Variants in ST7 observed in about 807,000 individuals in gnomAD.
ST7 encodes the protein suppression of tumorigenicity 7.
In ST7, 28 loss-of-function variants were observed where a neutral mutation model predicts 78.7. That is an observed-to-expected ratio of 0.36 (90% confidence interval 0.26 to 0.49). The LOEUF (loss-of-function observed/expected upper bound fraction) is 0.49, where lower values mean the gene tolerates loss of function less well. ST7 is among the 20% of genes least tolerant of loss of function. ST7 has a pLI of 0.99. For synonymous variants in ST7, 247 were observed against 249.6 expected (o/e 0.99, Z 0.10); for missense variants, 418 against 696.0 (o/e 0.60, Z 4.49).
chr7:116,953,854 G>C (rs1792281925), intron 1 of ST7, 163 bp downstream of exon 1: 2 of 296,074 alleles, frequency 6.8e-6, no homozygotes, highest in Non-Finnish European at 4.9e-6. Context: ...CTTAGGCGGC[G>C]GGGCCGGGCA....
intron 10 of ST7, among the ~76,000 whole-genome samples, chr7:117,183,600 A>G (rs1808968240): frequency 6.6e-6 from 1 of 152,148 alleles, no homozygotes. Context: ...CCTTCTAGCC[A>G]ATAACTGCCC....
Position 116,953,664 on chromosome 7 carries a change from T to G in ST7, c.124T>G (p.Leu42Val). 6.7e-7 allele frequency: 1 copy of G among 1,497,434 alleles called. No individual in the cohort carries two copies. Among genetic ancestry groups the G allele is most frequent in the Non-Finnish European group, 9.0e-7 (1 of 1,110,016 alleles). 92.8% of individuals were successfully genotyped at this position (1,497,434 alleles called of 1,614,324 possible). A position where few individuals can be genotyped will look rare whatever the true frequency, so the allele number is the denominator to read the frequency against. ...LFLVYILRVP[L>V]KINDNLSTVS... Reference sequence around the variant, plus strand: ...CCTGGTCTACATCCTGCGGGTGCCTTTGAAAATCAACGACAACTTGAGCAC... The same window carrying G: ...CCTGGTCTACATCCTGCGGGTGCCTGTGAAAATCAACGACAACTTGAGCAC... The change falls in exon 1 of 16, where the codon TTG (leucine) becomes GTG (valine). Residue 42 changes from leucine to valine, a missense_variant. Transcript: ENST00000323984.
intron 1 of ST7, among the ~76,000 whole-genome samples, chr7:116,982,099 A>G (rs1357584609): frequency 6.6e-6 from 1 of 152,254 alleles, no homozygotes; most frequent in Non-Finnish European, 1.5e-5. Context: ...CTTTTGGTAT[A>G]TAATCTTGCA....
chr7:116,982,954 A>G (rs1585088240), intron 1 of ST7, among the ~76,000 whole-genome samples: 1 of 152,052 alleles, frequency 6.6e-6, no homozygotes, highest in South Asian at 2.1e-4. Context: ...GCTGGAGTGC[A>G]ATGGTGCAGT....
intron 2 of ST7, among the ~76,000 whole-genome samples, chr7:117,108,923 G>T (rs1041943780): frequency 2.0e-5 from 3 of 151,964 alleles, no homozygotes; most frequent in African/African-American, 7.2e-5. Context: ...TGTATAGCAG[G>T]GCTACTAATT....
intron 1 of ST7, among the ~76,000 whole-genome samples, chr7:117,061,957 A>G (rs1225602920): frequency 6.6e-6 from 1 of 152,210 alleles, no homozygotes; most frequent in Non-Finnish European, 1.5e-5. Flanking sequence ...AAAATTTCAT[A>G]GGCTGGGTGG....
intron 1 of ST7, among the ~76,000 whole-genome samples, chr7:116,961,777 T>C (rs985717598): frequency 7.2e-5 from 11 of 152,084 alleles, no homozygotes; most frequent in Non-Finnish European, 2.9e-5. Context: ...TTTTTTTTTT[T>C]TAATTTTACT....
At chr7:117,021,587 G>T (rs1453648601) in intron 1 of ST7, among the ~76,000 whole-genome samples, 1 of 152,130 alleles carries the variant, frequency 6.6e-6, no homozygotes, top group Admixed American at 6.5e-5. Context: ...TTTGTTTTTT[G>T]ATCTCAGGTG....
At chr7:117,019,533 T>C (rs1795776526) in intron 1 of ST7, among the ~76,000 whole-genome samples, 1 of 152,152 alleles carries the variant, frequency 6.6e-6, no homozygotes, top group African/African-American at 2.4e-5. Flanking sequence ...CTCTGGAAAA[T>C]GACAGAAATT....
Position 116,962,875 on chromosome 7 carries a change from C to T in ST7, c.151+9184C>T, listed in dbSNP as rs557679207. Among the ~76,000 whole-genome samples, 10 of 152,282 alleles carry T rather than the reference C, an allele frequency of 6.6e-5. No homozygotes were observed. The South Asian group carries it at 2.1e-3, about 32-fold the overall frequency. On this transcript the variant is annotated intron_variant, in intron 1 of 15. Transcript: ENST00000323984. ...CTCTCTTCCTATTTGGATGTCTGGG[C>T]ATTCTATGAATATTTGTGTGGTTGA...
chr7:117,216,720 C>G (rs1792717204), intron 13 of ST7, among the ~76,000 whole-genome samples: 2 of 152,124 alleles, frequency 1.3e-5, no homozygotes, highest in Admixed American at 6.5e-5. Context: ...GATAGAATTG[C>G]AAGCAGAAAT....
intron 1 of ST7, among the ~76,000 whole-genome samples, chr7:117,076,975 G>T (rs1250257475): frequency 1.3e-5 from 2 of 152,166 alleles, no homozygotes; most frequent in South Asian, 2.1e-4. Flanking sequence ...GAATTGGATG[G>T]TAAATGTGGG....
chr7:117,004,180 A>C (rs929023830), intron 1 of ST7, among the ~76,000 whole-genome samples: 4 of 152,178 alleles, frequency 2.6e-5, no homozygotes, highest in Non-Finnish European at 4.4e-5. Context: ...TATCTTTTGG[A>C]TATGTAACAG....
intron 10 of ST7, among the ~76,000 whole-genome samples, chr7:117,185,703 A>G (rs1809192037): frequency 6.6e-6 from 1 of 152,180 alleles, no homozygotes; most frequent in South Asian, 2.1e-4. Flanking sequence ...AAGTGGGTGG[A>G]TCACGAGGTT....
At chr7:117,002,253 C>T (rs1445236944) in intron 1 of ST7, among the ~76,000 whole-genome samples, 1 of 151,818 alleles carries the variant, frequency 6.6e-6, no homozygotes, top group Non-Finnish European at 1.5e-5. Flanking sequence ...AAATAAAATA[C>T]TTTATTTATT....
intron 1 of ST7, among the ~76,000 whole-genome samples, chr7:117,011,873 A>C (rs775056665): frequency 2.6e-5 from 4 of 152,080 alleles, no homozygotes; most frequent in African/African-American, 9.7e-5. Context: ...AGATAGAGAA[A>C]ATTCTTTGAG....
At chr7:117,097,772 A>T (rs2116764660) in intron 1 of ST7, among the ~76,000 whole-genome samples, 1 of 146,698 alleles carries the variant, frequency 6.8e-6, no homozygotes, top group Admixed American at 6.9e-5. Context: ...TCCTTTTAAA[A>T]AATCTCCTTC....
At chr7:116,967,461 G>C (rs1490484482) in intron 1 of ST7, 28 of 469,144 alleles carry the variant, frequency 6.0e-5, no homozygotes, top group Non-Finnish European at 1.2e-4. Flanking sequence ...GCAGGTCAGT[G>C]TCCCAGAGGC....
intron 9 of ST7, among the ~76,000 whole-genome samples, chr7:117,165,121 A>G (rs534118342): frequency 6.6e-6 from 1 of 152,318 alleles, no homozygotes; most frequent in African/African-American, 2.4e-5. Flanking sequence ...CTGGTTTGAC[A>G]AGGCTAGAAT....
Sources: gnomAD v4.1 joint callset for allele counts (sites outside exome capture counted in the v4.1 genomes callset) on GRCh38, gnomAD v4.1.1 for gene constraint, MANE v1.5 for transcripts, NCBI Gene and HGNC (gene_info 2026-07-23, HGNC 2026-07-21) for gene names.